Variants in GPHN observed in about 807,000 individuals in gnomAD.
GPHN encodes the protein gephyrin.
Under a neutral mutation model 95.5 loss-of-function variants are expected in GPHN, and 17 were observed. The observed-to-expected ratio is 0.18, with a 90% CI of 0.12 to 0.27. The LOEUF (loss-of-function observed/expected upper bound fraction) is 0.27, where lower values mean the gene tolerates loss of function less well. GPHN is among the 10% of genes least tolerant of loss of function. GPHN has a pLI of 1.00. For missense variants in GPHN, 660 were observed against 978.1 expected, an observed-to-expected ratio of 0.67 and a Z score of 4.34; for synonymous variants, 320 against 322.5, an observed-to-expected ratio of 0.99 and a Z score of 0.08.
At chr14:67,432,199 A>G in the GPHN span, among the ~76,000 whole-genome samples, 14 of 152,174 alleles carry the variant, frequency 9.2e-5, no homozygotes, top group African/African-American at 3.1e-4. Context: ...TTGGCCCTAA[A>G]TCATTATTGT....
At chr14:67,213,154 GTATTT>G in the GPHN span, among the ~76,000 whole-genome samples, 5 of 145,144 alleles carry the variant, frequency 3.4e-5, no homozygotes, top group Admixed American at 1.4e-4. Flanking sequence ...TTTTTTAAAT[GTATTT>G]TATTTTATTT....
At chr14:67,541,064 T>C in the GPHN span, among the ~76,000 whole-genome samples, 2 of 152,222 alleles carry the variant, frequency 1.3e-5, no homozygotes, top group African/African-American at 2.4e-5. Context: ...GTTTGCATCT[T>C]AGAACCTGAA....
the GPHN span, among the ~76,000 whole-genome samples, chr14:67,213,463 T>C: frequency 2.0e-5 from 3 of 150,452 alleles, no homozygotes; most frequent in East Asian, 2.0e-4. Context: ...TGATTTCCAA[T>C]TTCATCCATG....
intron 9 of GPHN, among the ~76,000 whole-genome samples, chr14:66,988,852 G>C (rs1349396102): frequency 6.6e-6 from 1 of 151,894 alleles, no homozygotes; most frequent in African/African-American, 2.4e-5. Flanking sequence ...TTTCATTTCT[G>C]GGGTTTCCAA....
At chr14:67,691,248 C>A in the GPHN span, 153 of 1,608,794 alleles carry the variant, frequency 9.5e-5, no homozygotes, top group Non-Finnish European at 1.2e-4. Context: ...TTTTCCTCTG[C>A]AGGGACAAGA....
At chr14:67,198,218 C>T in the GPHN span, 5 of 1,613,914 alleles carry the variant, frequency 3.1e-6, no homozygotes, top group Non-Finnish European at 1.7e-6. Context: ...ATGCTCTCTG[C>T]ACCCCACACT....
the GPHN span, among the ~76,000 whole-genome samples, chr14:67,619,494 T>C: frequency 6.6e-6 from 1 of 152,230 alleles, no homozygotes; most frequent in Non-Finnish European, 1.5e-5. Flanking sequence ...AGGTGGATCC[T>C]GGCTTTGACT....
the GPHN span, among the ~76,000 whole-genome samples, chr14:67,267,704 A>G: frequency 6.6e-6 from 1 of 152,222 alleles, no homozygotes; most frequent in Non-Finnish European, 1.5e-5. Flanking sequence ...ATCTAATATT[A>G]GGACACTTTT....
chr14:67,034,390 G>A (rs959106153), intron 10 of GPHN, among the ~76,000 whole-genome samples: 7 of 152,030 alleles, frequency 4.6e-5, no homozygotes, highest in South Asian at 2.1e-4. Flanking sequence ...CAGCAAGAGG[G>A]AAAAAGAGGG....
intron 12 of GPHN, among the ~76,000 whole-genome samples, chr14:67,093,258 A>G (rs1465815964): frequency 6.6e-6 from 1 of 152,090 alleles, no homozygotes; most frequent in African/African-American, 2.4e-5. Flanking sequence ...GAAAAAGAAC[A>G]TTTTAAAATT....
intron 2 of GPHN, among the ~76,000 whole-genome samples, chr14:66,733,317 T>A (rs1352772318): frequency 6.6e-6 from 1 of 152,020 alleles, no homozygotes; most frequent in Non-Finnish European, 1.5e-5. Context: ...TTTTTTTTTT[T>A]TTGTAAATTA....
chr14:67,338,032 G>C, the GPHN span: 1 of 152,188 alleles, frequency 6.6e-6, no homozygotes, highest in Non-Finnish European at 1.5e-5. Flanking sequence ...CTGAGCATGA[G>C]AACATGACTT....
At chr14:67,130,290 T>A (rs1353229561) in intron 17 of GPHN, among the ~76,000 whole-genome samples, 2 of 152,034 alleles carry the variant, frequency 1.3e-5, no homozygotes, top group Non-Finnish European at 2.9e-5. Flanking sequence ...CTCTAGTAGT[T>A]CCCAGTGTCT....
At chr14:67,238,269 C>CTTTTTTTTT in the GPHN span, among the ~76,000 whole-genome samples, 1 of 125,250 alleles carries the variant, frequency 8.0e-6, no homozygotes, top group Non-Finnish European at 1.6e-5. Flanking sequence ...TTCTTGCTTT[C>CTTTTTTTTT]TTTTTTTTTT....
intron 2 of GPHN, among the ~76,000 whole-genome samples, chr14:66,773,390 A>G (rs576603983): frequency 5.5e-5 from 7 of 127,452 alleles, no homozygotes; most frequent in Admixed American, 1.9e-4. Flanking sequence ...GCCTCGCTCT[A>G]TTGCTCAGGC....
the GPHN span, among the ~76,000 whole-genome samples, chr14:67,244,210 G>A: frequency 6.6e-6 from 1 of 152,090 alleles, no homozygotes; most frequent in African/African-American, 2.4e-5. Flanking sequence ...GAATATCTTT[G>A]TGTATGTCTC....
intron 16 of GPHN, among the ~76,000 whole-genome samples, chr14:67,121,183 G>A (rs1227650874): frequency 6.6e-6 from 1 of 152,014 alleles, no homozygotes; most frequent in Non-Finnish European, 1.5e-5. Context: ...TATAATTTCT[G>A]AAATCAAAGC....
the GPHN span, chr14:67,241,385 G>T: frequency 6.5e-6 from 1 of 154,548 alleles, no homozygotes; most frequent in South Asian, 1.8e-4. Flanking sequence ...CAGGCGGTGG[G>T]GCGGGGGCGG....
chr14:67,353,914 A>C, the GPHN span: 1 of 151,820 alleles, frequency 6.6e-6, no homozygotes, highest in Non-Finnish European at 1.5e-5. Flanking sequence ...TCAGCTTCCC[A>C]AAGTGCTGGG....
Sources: allele counts gnomAD v4.1 joint callset (sites outside exome capture counted in the v4.1 genomes callset), GRCh38; gene constraint gnomAD v4.1.1; transcripts MANE v1.5; gene names NCBI Gene and HGNC (gene_info 2026-07-23, HGNC 2026-07-21).